The following PAFAH1B1 variants were observed in gnomAD, a reference collection of about 807,000 sequenced individuals.
The protein encoded by PAFAH1B1 is platelet activating factor acetylhydrolase 1b regulatory subunit 1.
PAFAH1B1 carries 2 observed loss-of-function variants against 57.5 expected under a neutral mutation model. The observed-to-expected ratio is 0.03, with a 90% CI of 0.01 to 0.11. The LOEUF (loss-of-function observed/expected upper bound fraction) is 0.11, where lower values mean the gene tolerates loss of function less well. Among genes scored for constraint, PAFAH1B1 ranks in the 10% least tolerant of loss-of-function variants. The probability of loss-of-function intolerance (pLI) is 1.00; values close to 1 mark genes in which losing one functional copy is unlikely to be tolerated. For synonymous variants in PAFAH1B1, 152 were observed against 169.6 expected, an observed-to-expected ratio of 0.90 and a Z score of 0.81; for missense variants, 257 against 512.0, an observed-to-expected ratio of 0.50 and a Z score of 4.81.
In PAFAH1B1 at chr17:2,638,156, A is replaced by C; in HGVS notation, c.-133A>C. 1 of 657,190 alleles carries C rather than the reference A, an allele frequency of 1.5e-6. No homozygotes were observed. Among genetic ancestry groups the C allele is most frequent in the Non-Finnish European group, 2.7e-6 (1 of 368,498 alleles). The allele number at this position is 657,190 out of a possible 1,614,324, so 40.7% of individuals were successfully genotyped here. A position where few individuals can be genotyped will look rare whatever the true frequency, so the allele number is the denominator to read the frequency against. Reference sequence around the variant, plus strand: ...GGTTACTAGTTGGATTCATTTGTGAAAGAATCATTTTCCCCTGTGTGGAAG... The same window carrying C: ...GGTTACTAGTTGGATTCATTTGTGACAGAATCATTTTCCCCTGTGTGGAAG... On this transcript the variant is annotated 5_prime_UTR_variant, in exon 2 of 11. Coordinates refer to ENST00000397195, the MANE Select transcript of PAFAH1B1 (RefSeq NM_000430.4).
At chr17:2,621,607 CTT>C (rs534219431) in intron 1 of PAFAH1B1, among the ~76,000 whole-genome samples, 277 of 84,562 alleles carry the variant, frequency 3.3e-3, no homozygotes, top group Admixed American at 5.5e-3. Context: ...GATAATCTGT[CTT>C]TTTTTTTTTT....
rs2069164459 is a variant in PAFAH1B1 at position 2,670,305 on chromosome 17, G to A, written c.542G>A (p.Gly181Asp). Residue 181 changes from glycine to aspartate, a missense_variant, in exon 6 of 11, where the codon GGC becomes GAC. Transcript: ENST00000397195. The part of the protein sequence containing the change: ...DMTIKLWDFQ[G>D]FECIRTMHGH... ...ACCATTAAACTATGGGATTTTCAGG[G>A]CTTTGAATGCATCAGAACCATGCAC... The A allele has an allele frequency of 6.2e-7, 1 of 1,614,024 alleles. No homozygotes were observed.
chr17:2,663,720 CAG>C (rs71678703), intron 2 of PAFAH1B1, among the ~76,000 whole-genome samples: 10,404 of 145,528 alleles, frequency 0.071, 578 homozygotes, highest in East Asian at 0.27. Context: ...TTTTTTGAGA[CAG>C]AGTTTCACTC....
intron 2 of PAFAH1B1, among the ~76,000 whole-genome samples, chr17:2,664,679 T>TCTCTCTCG (rs1399568167): frequency 6.7e-5 from 8 of 119,344 alleles, no homozygotes; most frequent in African/African-American, 2.2e-4. Flanking sequence ...TCTCTCTCTC[T>TCTCTCTCG]CTCTCTCTCT....
chr17:2,611,737 T>TA (rs1419911136), intron 1 of PAFAH1B1, among the ~76,000 whole-genome samples: 1 of 152,230 alleles, frequency 6.6e-6, no homozygotes, highest in Non-Finnish European at 1.5e-5. Context: ...TCTTAGTTTT[T>TA]ACTAGGATGC....
rs140352935 is a variant in PAFAH1B1, at chr17:2,613,667, C to T, written c.-191+19661C>T. 2.6e-3 allele frequency: 753 copies of T among 287,928 alleles called. 1 individual carries two copies. The highest frequency in any genetic ancestry group is 0.013 in the African/African-American group (569 of 44,854). The allele number at this position is 287,928 out of a possible 1,614,324, so 17.8% of individuals were successfully genotyped here. On this transcript the variant is annotated intron_variant, in intron 1 of 10. Transcript: ENST00000397195. ...AGTATACTCTCCACAGCCAGACAGCCGCCCCTCCGCGAAGCTGCAGACATC... is the reference window on the plus strand; with the variant it reads ...AGTATACTCTCCACAGCCAGACAGCTGCCCCTCCGCGAAGCTGCAGACATC...
intron 1 of PAFAH1B1, among the ~76,000 whole-genome samples, chr17:2,633,148 TTTTTTCTTTTTC>T (rs1177917910): frequency 9.1e-4 from 139 of 152,084 alleles, no homozygotes; most frequent in African/African-American, 3.2e-3. Flanking sequence ...CAAGATTTAT[TTTTTTCTTTTTC>T]TTTTTCTTTC....
At chr17:2,668,811 TA>T (rs1319352358) in intron 5 of PAFAH1B1, among the ~76,000 whole-genome samples, 1 of 151,908 alleles carries the variant, frequency 6.6e-6, no homozygotes, top group Admixed American at 6.6e-5. Context: ...CCGTCTCTAC[TA>T]AAAAATACAA....
chr17:2,664,557 C>A (rs1439452411), intron 2 of PAFAH1B1, among the ~76,000 whole-genome samples: 1 of 151,940 alleles, frequency 6.6e-6, no homozygotes, highest in East Asian at 1.9e-4. Flanking sequence ...AGGGGCTTGC[C>A]ACCACGCCAG....
In PAFAH1B1 at chr17:2,668,240, C is replaced by T. The variant is rs777611480; in HGVS notation, c.399+1042C>T. On this transcript the variant is annotated intron_variant, in intron 5 of 10. Transcript: ENST00000397195. The stretch of plus-strand genomic sequence containing the variant: ...ACTTGGAAGGCTGAGGCAGGAAATT[C>T]GCTTGAACCCAGGAGACAGGTTGCA... Among the ~76,000 whole-genome samples the T allele has an allele frequency of 4.7e-5, 7 of 150,054 alleles. No individual in the cohort carries two copies. In the South Asian group the frequency reaches 1.2e-3, roughly 27 times the overall value.
chr17:2,676,173 T>G, intron 8 of PAFAH1B1: 3 of 314,882 alleles, frequency 9.5e-6, no homozygotes, highest in South Asian at 2.8e-5. Flanking sequence ...AGGTTAGGAG[T>G]TCAAGACCAG....
chr17:2,622,600 T>C (rs2068438494), intron 1 of PAFAH1B1, among the ~76,000 whole-genome samples: 1 of 152,168 alleles, frequency 6.6e-6, no homozygotes, highest in South Asian at 2.1e-4. Flanking sequence ...GGGTACGGCC[T>C]CCCTCCTGTC....
At chr17:2,610,611 C>T (rs1283170116) in intron 1 of PAFAH1B1, among the ~76,000 whole-genome samples, 2 of 152,094 alleles carry the variant, frequency 1.3e-5, no homozygotes, top group Non-Finnish European at 2.9e-5. Context: ...AATACACTAA[C>T]GATAGTTGAT....
chr17:2,677,942 TAAGAA>T (rs992981368), intron 9 of PAFAH1B1, among the ~76,000 whole-genome samples: 1 of 152,086 alleles, frequency 6.6e-6, no homozygotes, highest in South Asian at 2.1e-4. Context: ...ATGTTGCTGT[TAAGAA>T]AAGATGATAT....
chr17:2,625,903 T>C (rs2068483136), intron 1 of PAFAH1B1, among the ~76,000 whole-genome samples: 1 of 152,044 alleles, frequency 6.6e-6, no homozygotes, highest in Non-Finnish European at 1.5e-5. Context: ...GATCATGCCA[T>C]TGCTCTCTAG....
chr17:2,634,266 A>G (rs2068594405), intron 1 of PAFAH1B1, among the ~76,000 whole-genome samples: 1 of 152,104 alleles, frequency 6.6e-6, no homozygotes, highest in African/African-American at 2.4e-5. Context: ...CCTCTCAAGT[A>G]GCTGGATTAC....
Position 2,684,289 on chromosome 17 carries a change from A to C in PAFAH1B1, c.*2487A>C, listed in dbSNP as rs917584266. On this transcript the variant is annotated 3_prime_UTR_variant, in exon 11 of 11. Coordinates refer to ENST00000397195, the MANE Select transcript of PAFAH1B1 (RefSeq NM_000430.4). ...AAAATTTCCTGCACTGCTGTCTGAC[A>C]CTGTCCTGTTGATGCCCTTTCTGAC... 6.5e-6 allele frequency: 1 copy of C among 152,758 alleles called. No homozygotes were observed. The highest frequency in any genetic ancestry group is 2.4e-5 in the African/African-American group (1 of 41,430). 9.5% of individuals were successfully genotyped at this position (152,758 alleles called of 1,614,324 possible).
At position 2,685,016 on chromosome 17, in the gene PAFAH1B1, A is replaced by T. The variant is rs972565301; in HGVS notation, c.*3214A>T. 12 of 152,140 alleles carry T rather than the reference A, an allele frequency of 7.9e-5. No individual in the cohort carries two copies. The highest frequency in any genetic ancestry group is 2.2e-4 in the African/African-American group (9 of 41,428). The allele number at this position is 152,140 out of a possible 1,614,324, so 9.4% of individuals were successfully genotyped here. A position where few individuals can be genotyped will look rare whatever the true frequency, so the allele number is the denominator to read the frequency against. On this transcript the variant is annotated 3_prime_UTR_variant, in exon 11 of 11. Transcript: ENST00000397195. ...ATCATCCTTAAGCAACTGAAGTTAA[A>T]ATTGTTGAAGGAAAAGGCACTTAAA...
intron 1 of PAFAH1B1, among the ~76,000 whole-genome samples, chr17:2,615,441 T>A (rs1015555666): frequency 1.3e-5 from 2 of 152,094 alleles, no homozygotes; most frequent in East Asian, 1.9e-4. Context: ...TAGGAAACTT[T>A]CTTTCTTTCT....
Sources: allele counts gnomAD v4.1 joint callset (sites outside exome capture counted in the v4.1 genomes callset), GRCh38; gene constraint gnomAD v4.1.1; transcripts MANE v1.5; gene names NCBI Gene and HGNC (gene_info 2026-07-23, HGNC 2026-07-21).